Variants in AK8 observed in about 807,000 individuals in gnomAD.
AK8 encodes the protein adenylate kinase 8, also known as ATP-AMP transphosphorylase 8.
In AK8, 44 loss-of-function variants were observed where a neutral mutation model predicts 54.6. The ratio of observed to expected loss-of-function variants is 0.81; its 90% CI spans 0.63 to 1.04. The LOEUF is 1.04. Among genes scored for constraint, AK8 ranks in the 50% least tolerant of loss-of-function variants. The pLI is 0.00. For synonymous variants in AK8, 239 were observed against 245.6 expected (o/e 0.97, Z 0.25); for missense variants, 555 against 613.6 (o/e 0.90, Z 1.01).
At chr9:132,779,730 A>G (rs1839380209) in intron 11 of AK8, among the ~76,000 whole-genome samples, 1 of 152,242 alleles carries the variant, frequency 6.6e-6, no homozygotes, top group Non-Finnish European at 1.5e-5. Flanking sequence ...TTAACAGATA[A>G]GGAAATTGAC....
intron 11 of AK8, among the ~76,000 whole-genome samples, chr9:132,766,283 TTTTTA>T (rs1424577308): frequency 3.3e-5 from 5 of 152,182 alleles, no homozygotes; most frequent in Non-Finnish European, 5.9e-5. Flanking sequence ...GGCTGATTTA[TTTTTA>T]TTTTTAGTGG....
chr9:132,740,144 G>C (rs113657781), intron 11 of AK8, among the ~76,000 whole-genome samples: 104 of 152,340 alleles, frequency 6.8e-4, no homozygotes, highest in African/African-American at 2.3e-3. Flanking sequence ...TGCCACAGCA[G>C]CCCCCTAAGG....
chr9:132,875,044 T>G (rs1220836247), intron 2 of AK8, 71 bp downstream of exon 2: 9 of 1,579,060 alleles, frequency 5.7e-6, no homozygotes, highest in Non-Finnish European at 6.9e-6. Context: ...GGCAGAGGAG[T>G]CAGGGAAGAA....
intron 1 of AK8, among the ~76,000 whole-genome samples, chr9:132,876,581 T>A (rs2131458719): frequency 6.6e-6 from 1 of 152,326 alleles, no homozygotes; most frequent in Non-Finnish European, 1.5e-5. Flanking sequence ...ACAGTTCAGG[T>A]AATCCTATTG....
At chr9:132,846,202 G>A (rs1319179630) in intron 5 of AK8, among the ~76,000 whole-genome samples, 1 of 152,204 alleles carries the variant, frequency 6.6e-6, no homozygotes, top group African/African-American at 2.4e-5. Context: ...GGTTGGAAAG[G>A]AGAGAGACTT....
intron 11 of AK8, among the ~76,000 whole-genome samples, chr9:132,748,101 GAAATAAATAAAT>G (rs112932230): frequency 6.6e-6 from 1 of 151,514 alleles, no homozygotes; most frequent in Non-Finnish European, 1.5e-5. Context: ...CTCTGTCTCA[GAAATAAATAAAT>G]AAATAAATAA....
At chr9:132,877,813 G>A (rs1370645020) in intron 1 of AK8, 4 of 527,220 alleles carry the variant, frequency 7.6e-6, no homozygotes, top group Non-Finnish European at 1.5e-5. Context: ...CGCCGGGAGA[G>A]CCCCTGGGAG....
At chr9:132,754,372 A>AG (rs941191217) in intron 11 of AK8, among the ~76,000 whole-genome samples, 17 of 152,178 alleles carry the variant, frequency 1.1e-4, no homozygotes, top group African/African-American at 4.1e-4. Flanking sequence ...TGTGAGCCCG[A>AG]GGTGATATCC....
intron 9 of AK8, among the ~76,000 whole-genome samples, chr9:132,816,354 C>CA (rs35474843): frequency 0.21 from 18,885 of 90,766 alleles, 1,422 homozygotes; most frequent in East Asian, 0.45. Context: ...GACTTTGTCT[C>CA]AAAAAAAAAA....
chr9:132,821,407 T>G (rs143343478), intron 9 of AK8, among the ~76,000 whole-genome samples: 14 of 152,186 alleles, frequency 9.2e-5, no homozygotes, highest in African/African-American at 2.9e-4. Flanking sequence ...TATAATTCTC[T>G]TAAGAGGAAC....
At chr9:132,743,074 T>C (rs966274273) in intron 11 of AK8, among the ~76,000 whole-genome samples, 34 of 152,338 alleles carry the variant, frequency 2.2e-4, no homozygotes, top group Middle Eastern at 6.8e-3. Flanking sequence ...TGGCTGCGTG[T>C]GTAGCTTTAG....
chr9:132,785,068 A>G (rs1216231855), intron 11 of AK8, among the ~76,000 whole-genome samples: 1 of 151,266 alleles, frequency 6.6e-6, no homozygotes, highest in Admixed American at 6.6e-5. Context: ...GAATGGCTGG[A>G]GAAGGGGGAT....
intron 5 of AK8, 103 bp from the exon 6 acceptor site, chr9:132,828,829 T>A: frequency 1.1e-6 from 1 of 878,250 alleles, no homozygotes; most frequent in Non-Finnish European, 1.6e-6. Flanking sequence ...CTAGAACTTT[T>A]AAGACAAAAA....
At chr9:132,834,382 T>C (rs962196476) in intron 5 of AK8, among the ~76,000 whole-genome samples, 4 of 152,186 alleles carry the variant, frequency 2.6e-5, no homozygotes, top group African/African-American at 4.8e-5. Flanking sequence ...ATAAAAACCT[T>C]AGCCTGCCAC....
intron 9 of AK8, among the ~76,000 whole-genome samples, chr9:132,821,518 A>C (rs1254406861): frequency 6.6e-6 from 1 of 151,996 alleles, no homozygotes; most frequent in Non-Finnish European, 1.5e-5. Context: ...ATAGTAATCA[A>C]ATTTGCAGAG....
chr9:132,787,286 C>T (rs895889682), intron 11 of AK8, among the ~76,000 whole-genome samples: 12 of 152,068 alleles, frequency 7.9e-5, no homozygotes, highest in East Asian at 1.9e-4. Flanking sequence ...ATTTCTGGTA[C>T]GGTGGAGTAA....
intron 3 of AK8, 107 bp downstream of exon 3, chr9:132,866,797 A>G: frequency 2.7e-6 from 3 of 1,103,164 alleles, no homozygotes; most frequent in Non-Finnish European, 4.1e-6. Flanking sequence ...GAAGGAAAAG[A>G]AGAAAAGCTC....
In AK8 at chr9:132,827,034, C is replaced by T; in HGVS notation, c.577G>A (p.Asp193Asn). The T allele has an allele frequency of 6.2e-7, 1 of 1,614,208 alleles. No individual in the cohort carries two copies. Among genetic ancestry groups the T allele is most frequent in the Non-Finnish European group, 8.5e-7 (1 of 1,180,034 alleles). ...QTGEIYHTTF[D>N]WPPESEIQNR... is the part of the protein sequence containing the mutation. The stretch of plus-strand genomic sequence containing the variant: ...TGGATTTCAGATTCGGGTGGCCAGT[C>T]AAAGGTGGTGTGATAAATCTCTACA... Residue 193 changes from aspartate (D) to asparagine (N), a missense_variant, in exon 8 of 13, where the codon GAC becomes AAC. Transcript: ENST00000298545.
At position 132,859,935 on chromosome 9, in the gene AK8, T is replaced by C. The variant is rs377107248; in HGVS notation, c.333+3730A>G. ...AAGGTGGGGGTTTCTGCAGTATTAC[T>C]GGAAACCATGTCCCTTTCACGGTGT... On this transcript the variant is annotated intron_variant, in intron 4 of 12. Coordinates refer to ENST00000298545, the MANE Select transcript of AK8 (RefSeq NM_152572.3). 7.2e-5 allele frequency among the ~76,000 whole-genome samples: 11 copies of C among 152,184 alleles called. No individual in the cohort carries two copies. In the East Asian group the frequency reaches 2.1e-3, roughly 29 times the overall value.
Sources: allele counts gnomAD v4.1 joint callset (sites outside exome capture counted in the v4.1 genomes callset), GRCh38; gene constraint gnomAD v4.1.1; transcripts MANE v1.5; gene names NCBI Gene and HGNC (gene_info 2026-07-23, HGNC 2026-07-21).